The following PPP2R2B variants were observed in gnomAD, a reference collection of about 807,000 sequenced individuals.
PPP2R2B encodes serine/threonine-protein phosphatase 2A 55 kDa regulatory subunit B beta isoform.
A neutral mutation model predicts 46.0 loss-of-function variants in PPP2R2B; 5 were observed. That is an observed-to-expected ratio of 0.11 (90% CI 0.06 to 0.23). The LOEUF (loss-of-function observed/expected upper bound fraction) is 0.23, where lower values mean the gene tolerates loss of function less well. PPP2R2B is among the 10% of genes least tolerant of loss of function. The pLI, the probability that PPP2R2B is intolerant of heterozygous loss-of-function variation, is 1.00. For missense variants in PPP2R2B, 367 were observed against 575.0 expected (o/e 0.64, Z 3.70); for synonymous variants, 215 against 206.7 (o/e 1.04, Z -0.34).
chr5:146,669,866 C>T (rs1403587147), intron 5 of PPP2R2B, among the ~76,000 whole-genome samples: 2 of 152,110 alleles, frequency 1.3e-5, no homozygotes, highest in Non-Finnish European at 2.9e-5. Flanking sequence ...TGGTCAATAC[C>T]ATGGCATTTT....
At position 146,698,010 on chromosome 5, in the gene PPP2R2B, C is replaced by G; in HGVS notation, c.303G>C (p.Gln101His). 1.2e-6 allele frequency: 2 copies of G among 1,613,082 alleles called. No individual in the cohort carries two copies. The change falls in exon 4 of 10, where the codon CAG becomes CAC. Residue 101 changes from glutamine to histidine, a missense_variant. By Grantham distance (24) the Gln-to-His change is conservative. Transcript: ENST00000394411. ...TAGACAGAAGAAAGTAAGCTGCATT[C>G]TGCTGGGGGAGCCATCTTATTTTAT... ...KINKIRWLPQ[Q>H]NAAYFLLSTN...
intron 6 of PPP2R2B, among the ~76,000 whole-genome samples, chr5:146,646,146 G>T (rs191407437): frequency 1.3e-5 from 2 of 152,110 alleles, no homozygotes; most frequent in Non-Finnish European, 2.9e-5. Context: ...CTCTGAAAGC[G>T]GCAAATTTGT....
intron 1 of PPP2R2B, among the ~76,000 whole-genome samples, chr5:146,963,291 C>T (rs1459845991): frequency 2.0e-5 from 3 of 152,130 alleles, no homozygotes; most frequent in Non-Finnish European, 4.4e-5. Context: ...GGGCTGACAT[C>T]GCCTAGGGAA....
chr5:146,800,339 C>A (rs1400611661), intron 2 of PPP2R2B, among the ~76,000 whole-genome samples: 4 of 151,908 alleles, frequency 2.6e-5, no homozygotes, highest in Admixed American at 1.3e-4. Flanking sequence ...TTGTAAGGAT[C>A]CCCGGGTACT....
chr5:146,701,001 T>C, intron 3 of PPP2R2B, 44 bp downstream of exon 3: 2 of 1,524,512 alleles, frequency 1.3e-6, no homozygotes. Context: ...AGGCCTCCTT[T>C]AAAAAGTGAA....
In PPP2R2B at chr5:146,694,980, T is replaced by C. The variant is rs141602474; in HGVS notation, c.334+2999A>G. 1.4e-3 allele frequency among the ~76,000 whole-genome samples: 219 copies of C among 152,232 alleles called. 2 individuals carry two copies. The highest frequency in any genetic ancestry group is 5.1e-3 in the African/African-American group (213 of 41,576). On this transcript the variant is annotated intron_variant, in intron 4 of 9. Coordinates refer to ENST00000394411, the MANE Select transcript of PPP2R2B (RefSeq NM_181675.4). ...TATAACGTATTGCATATATGATTTA[T>C]AATAGTGAGAATTTGTTAACAGCTA...
chr5:146,770,174 CA>C (rs1754755420), intron 2 of PPP2R2B, among the ~76,000 whole-genome samples: 2 of 151,240 alleles, frequency 1.3e-5, no homozygotes, highest in Admixed American at 1.3e-4. Context: ...ACTAAAAATA[CA>C]AAAATTAGCC....
chr5:146,669,751 A>G (rs575754760), intron 5 of PPP2R2B, among the ~76,000 whole-genome samples: 21 of 152,252 alleles, frequency 1.4e-4, no homozygotes, highest in Non-Finnish European at 2.8e-4. Flanking sequence ...TATTTTACAG[A>G]CTTTAAAGAG....
chr5:146,706,199 G>A (rs568099991), intron 2 of PPP2R2B, among the ~76,000 whole-genome samples: 24 of 152,252 alleles, frequency 1.6e-4, no homozygotes, highest in Non-Finnish European at 3.4e-4. Flanking sequence ...AGGGGCTGCC[G>A]CAGCTGTTCA....
chr5:146,590,217 C>T lies in PPP2R2B; in HGVS notation c.1062G>A (p.Met354Ile). 6.3e-7 allele frequency: 1 copy of T among 1,581,562 alleles called. No homozygotes were observed. Among genetic ancestry groups the T allele is most frequent in the Non-Finnish European group, 8.5e-7 (1 of 1,170,558 alleles). Residue 354 changes from methionine (M) to isoleucine (I), a missense_variant, in exon 10 of 10, where the codon ATG becomes ATA. Physicochemically the swap from Met to Ile is conservative, Grantham distance 10. This residue lies in a region of PPP2R2B where 361 missense variants were observed against 545.5 expected (regional missense o/e 0.66). Transcript: ENST00000394411. ...TGAAGAAGTTGTTGTAGGAGCCTGTCATGATGACACTGCAAGGCAGAGAGC... is the reference window on the plus strand; with the variant it reads ...TGAAGAAGTTGTTGTAGGAGCCTGTTATGATGACACTGCAAGGCAGAGAGC... Reference protein sequence around the residue: ...CVWNGSDSVIMTGSYNNFFRM... With the variant: ...CVWNGSDSVIITGSYNNFFRM...
At chr5:146,936,113 C>A (rs1007828524) in intron 1 of PPP2R2B, among the ~76,000 whole-genome samples, 5 of 152,160 alleles carry the variant, frequency 3.3e-5, no homozygotes, top group Non-Finnish European at 7.4e-5. Context: ...GGAAAGTAAG[C>A]TCTGCTGCCA....
intron 2 of PPP2R2B, among the ~76,000 whole-genome samples, chr5:146,842,829 T>C (rs1196658680): frequency 2.0e-5 from 3 of 152,248 alleles, no homozygotes; most frequent in Admixed American, 2.0e-4. Context: ...AAGGTTTGTC[T>C]CTGACAGTCT....
Position 146,825,331 on chromosome 5 carries a change from A to G in PPP2R2B, c.70+52671T>C, listed in dbSNP as rs143551695. Among the ~76,000 whole-genome samples the G allele has an allele frequency of 2.0e-3, 305 of 152,356 alleles. 1 individual carries two copies. The highest frequency in any genetic ancestry group is 7.0e-3 in the African/African-American group (291 of 41,580). ...GTGTTATCTCACAGTGCAGTGGCCC[A>G]CACTTCCATGTTTATTTGGAAAAAG... On this transcript the variant is annotated intron_variant, in intron 2 of 9. Coordinates refer to ENST00000394411, the MANE Select transcript of PPP2R2B (RefSeq NM_181675.4).
chr5:146,790,614 A>T (rs979169568), intron 2 of PPP2R2B, among the ~76,000 whole-genome samples: 3 of 152,188 alleles, frequency 2.0e-5, no homozygotes, highest in African/African-American at 7.2e-5. Context: ...AAGATACCCC[A>T]ATGTCTGTCT....
chr5:146,600,168 C>A, intron 8 of PPP2R2B, 123 bp downstream of exon 8: 1 of 1,007,718 alleles, frequency 9.9e-7, no homozygotes, highest in East Asian at 2.4e-5. Flanking sequence ...TACCATTTTA[C>A]TGAATGTATC....
At chr5:146,885,204 T>C (rs1762282908) in intron 1 of PPP2R2B, among the ~76,000 whole-genome samples, 1 of 152,206 alleles carries the variant, frequency 6.6e-6, no homozygotes, top group South Asian at 2.1e-4. Context: ...CTATACAGTA[T>C]CATCTCCATT....
chr5:147,011,266 C>T (rs932103383), intron 1 of PPP2R2B, among the ~76,000 whole-genome samples: 2 of 151,958 alleles, frequency 1.3e-5, no homozygotes, highest in African/African-American at 4.8e-5. Flanking sequence ...CTCAGTAGGA[C>T]CTTCCCTTTC....
At chr5:146,664,791 A>G (rs1402892814) in intron 5 of PPP2R2B, among the ~76,000 whole-genome samples, 1 of 152,204 alleles carries the variant, frequency 6.6e-6, no homozygotes. Flanking sequence ...TTTCTCAAAT[A>G]ATATTTCTCA....
chr5:146,821,580 T>C (rs1439982542), intron 2 of PPP2R2B, among the ~76,000 whole-genome samples: 1 of 152,152 alleles, frequency 6.6e-6, no homozygotes, highest in Non-Finnish European at 1.5e-5. Context: ...GCAAACAGAG[T>C]TGGGGTGAAA....
Sources: allele counts gnomAD v4.1 joint callset (sites outside exome capture counted in the v4.1 genomes callset), GRCh38; gene constraint gnomAD v4.1.1; regional missense constraint gnomAD v4.1.1; transcripts MANE v1.5; gene names NCBI Gene and HGNC (gene_info 2026-07-23, HGNC 2026-07-21).